Variants in SEPTIN9 observed in about 807,000 individuals in gnomAD.
SEPTIN9 encodes septin-9.
SEPTIN9 carries 13 observed loss-of-function variants against 56.6 expected under a neutral mutation model. The observed-to-expected ratio is 0.23, with a 90% CI of 0.15 to 0.37. The LOEUF is 0.37. Ranked by LOEUF, SEPTIN9 falls within the 10% of genes least tolerant of loss-of-function variation. The pLI, the probability that SEPTIN9 is intolerant of heterozygous loss-of-function variation, is 1.00. For synonymous variants in SEPTIN9, 332 were observed against 334.1 expected (o/e 0.99, Z 0.07); for missense variants, 650 against 823.1 (o/e 0.79, Z 2.57).
rs1383524626 is a variant in SEPTIN9, at chr17:77,327,323, C to T, written c.76+20126C>T. 6.6e-6 allele frequency among the ~76,000 whole-genome samples: 1 copy of T among 152,164 alleles called. No homozygotes were observed. The highest frequency in any genetic ancestry group is 1.5e-5 in the Non-Finnish European group (1 of 68,020). ...CCAGCTTCCTGGCCCGTCTCTTGCT[C>T]TGGGCACCCCCCCACTCCGAACGGC... is the stretch of plus-strand genomic sequence containing the variant. On this transcript the variant is annotated intron_variant, in intron 2 of 11. Coordinates refer to ENST00000427177, the MANE Select transcript of SEPTIN9 (RefSeq NM_001113491.2). The surrounding 1 kb of genome is among the most constrained non-coding windows in gnomAD (Gnocchi z 5.0).
intron 1 of SEPTIN9, chr17:77,294,941 C>A (rs1170712805): frequency 2.0e-5 from 3 of 152,160 alleles, no homozygotes; most frequent in Non-Finnish European, 4.4e-5. Flanking sequence ...CGTTTCCACA[C>A]CGGGATAGCG....
At chr17:77,401,943 C>A in intron 2 of SEPTIN9, 116 bp from the exon 3 acceptor site, 1 of 1,029,582 alleles carries the variant, frequency 9.7e-7, no homozygotes, top group Non-Finnish European at 1.4e-6. Context: ...GGGAAGAGAC[C>A]CCCGGCCCTC....
intron 2 of SEPTIN9, among the ~76,000 whole-genome samples, chr17:77,347,021 T>A (rs1037053346): frequency 6.6e-6 from 1 of 152,168 alleles, no homozygotes; most frequent in African/African-American, 2.4e-5. Flanking sequence ...AATCTGTTTA[T>A]AAATTACCCA....
Position 77,474,982 on chromosome 17 carries a change from C to T in SEPTIN9, c.722-7162C>T, listed in dbSNP as rs547920606. 3.3e-5 allele frequency among the ~76,000 whole-genome samples: 5 copies of T among 152,156 alleles called. 1 individual carries two copies. Among genetic ancestry groups the T allele is most frequent in the African/African-American group, 1.2e-4 (5 of 41,510 alleles). On this transcript the variant is annotated intron_variant, in intron 3 of 11. Transcript: ENST00000427177. ...AGGAGTTTGAAACCAGCCTGACCAACATTAGTGAGACCCACTCTCTAAAAA... is the reference window on the plus strand; with the variant it reads ...AGGAGTTTGAAACCAGCCTGACCAATATTAGTGAGACCCACTCTCTAAAAA...
intron 3 of SEPTIN9, among the ~76,000 whole-genome samples, chr17:77,428,379 TGTGA>T (rs2036996091): frequency 6.6e-6 from 1 of 152,210 alleles, no homozygotes; most frequent in Admixed American, 6.5e-5. Flanking sequence ...AAGGGAGGGC[TGTGA>T]GTGACAGGTG....
intron 2 of SEPTIN9, among the ~76,000 whole-genome samples, chr17:77,307,914 G>A (rs529986025): frequency 7.2e-5 from 11 of 152,338 alleles, no homozygotes; most frequent in South Asian, 2.1e-4. Context: ...GAGTCTGCGC[G>A]TCATCTTCTC....
At chr17:77,481,839 C>T (rs889294855) in intron 3 of SEPTIN9, 3 of 440,204 alleles carry the variant, frequency 6.8e-6, no homozygotes, top group South Asian at 2.7e-5. Context: ...TGCCTTGGAG[C>T]GCAGGGGGCC....
At chr17:77,302,921 T>C (rs938565861) in intron 1 of SEPTIN9, among the ~76,000 whole-genome samples, 2 of 152,050 alleles carry the variant, frequency 1.3e-5, no homozygotes, top group African/African-American at 4.8e-5. Context: ...TCTTTCTGCC[T>C]AGGCTCACCC....
At chr17:77,305,249 GGTGCTGGAGGTGAATTCCGCAGCT>G (rs908203838) in intron 1 of SEPTIN9, among the ~76,000 whole-genome samples, 1 of 152,172 alleles carries the variant, frequency 6.6e-6, no homozygotes, top group Admixed American at 6.5e-5. Flanking sequence ...GCAGGCTGGG[GGTGCTGGAGGTGAATTCCGCAGCT>G]GTGCGACCTT....
intron 2 of SEPTIN9, chr17:77,373,206 G>C (rs1340196825): frequency 4.6e-6 from 5 of 1,097,084 alleles, no homozygotes; most frequent in Admixed American, 5.2e-5. Flanking sequence ...GCCTGGCCTT[G>C]ACAGGCGGGC....
intron 2 of SEPTIN9, among the ~76,000 whole-genome samples, chr17:77,350,940 GTGTGTGTGCC>G (rs201969903): frequency 0.012 from 1,848 of 151,820 alleles, 43 homozygotes; most frequent in African/African-American, 0.042. Flanking sequence ...CTGCAGGGGG[GTGTGTGTGCC>G]TGTGTGTGCC....
Position 77,465,871 on chromosome 17 carries a change from G to T in SEPTIN9, c.722-16273G>T, listed in dbSNP as rs1002109141. On this transcript the variant is annotated intron_variant, in intron 3 of 11. Coordinates refer to ENST00000427177, the MANE Select transcript of SEPTIN9 (RefSeq NM_001113491.2). ...TGGTGTAACTCACCCCTGGAAGGAGGCTGGGCTGAGGCTGGGGGAAGTGAC... is the reference window on the plus strand; with the variant it reads ...TGGTGTAACTCACCCCTGGAAGGAGTCTGGGCTGAGGCTGGGGGAAGTGAC... Among the ~76,000 whole-genome samples the T allele has an allele frequency of 2.0e-5, 3 of 152,058 alleles. No homozygotes were observed. In the East Asian group the frequency reaches 5.8e-4, roughly 29 times the overall value.
intron 2 of SEPTIN9, among the ~76,000 whole-genome samples, chr17:77,361,305 G>C (rs2034410171): frequency 1.3e-5 from 2 of 152,190 alleles, no homozygotes; most frequent in Admixed American, 1.3e-4. Context: ...CTGCGGGACA[G>C]AGCCTGCCCT....
At chr17:77,482,122 T>C in intron 3 of SEPTIN9, 22 bp from the exon 4 acceptor site, 1 of 1,546,426 alleles carries the variant, frequency 6.5e-7, no homozygotes, top group Non-Finnish European at 8.7e-7. Flanking sequence ...CCGCTCTAAC[T>C]CCTCTGCTGT....
In SEPTIN9 at chr17:77,475,642, A is replaced by G. The variant is rs769813329; in HGVS notation, c.722-6502A>G. On this transcript the variant is annotated intron_variant, in intron 3 of 11. Coordinates refer to ENST00000427177, the MANE Select transcript of SEPTIN9 (RefSeq NM_001113491.2). The surrounding 1 kb of genome is among the most constrained non-coding windows in gnomAD (Gnocchi z 4.6). ...GCAGCTGGAGGCTGCTCCAGTGTGC[A>G]TTGTTACGAGGCAAAGTAAGGAGAC... is the stretch of plus-strand genomic sequence containing the variant. 31 of 1,613,680 alleles carry G rather than the reference A, an allele frequency of 1.9e-5. No homozygotes were observed. In the South Asian group the frequency reaches 2.7e-4, roughly 14 times the overall value.
intron 3 of SEPTIN9, among the ~76,000 whole-genome samples, chr17:77,480,307 CTT>C (rs1419563710): frequency 6.6e-6 from 1 of 152,238 alleles, no homozygotes; most frequent in Admixed American, 6.5e-5. Flanking sequence ...CTTCCAGAGT[CTT>C]TTCCTCTCTC....
chr17:77,402,144 C>G lies in SEPTIN9; in HGVS notation c.162C>G (p.Ala54=), dbSNP rs200161455. Residue 54 remains alanine (A), a synonymous_variant, in exon 3 of 12, where the codon GCC becomes GCG. Transcript: ENST00000427177. This position sits in a 1 kb window ranked among gnomAD's most constrained non-coding sequence, Gnocchi z 6.6. ...GGGTCCAGACTCCCCTACTCCGAGC[C>G]ACTGTGGCCAGCTCCACCCAGAAAT... The part of the protein sequence containing the change: ...PRRVQTPLLR[A]TVASSTQKFQ... 20 of 1,613,954 alleles carry G rather than the reference C, an allele frequency of 1.2e-5. No homozygotes were observed. The highest frequency in any genetic ancestry group is 3.3e-4 in the Middle Eastern group (2 of 6,062).
At chr17:77,337,003 T>G (rs2033576285) in intron 2 of SEPTIN9, among the ~76,000 whole-genome samples, 1 of 151,134 alleles carries the variant, frequency 6.6e-6, no homozygotes, top group Admixed American at 6.6e-5. Flanking sequence ...CCCCCGTTTT[T>G]TTTTTTTTTT....
At chr17:77,357,263 C>T (rs139293368) in intron 2 of SEPTIN9, among the ~76,000 whole-genome samples, 29 of 152,270 alleles carry the variant, frequency 1.9e-4, no homozygotes, top group African/African-American at 7.0e-4. Context: ...AAGGACACAT[C>T]CACAGGGGCA....
Sources: allele counts gnomAD v4.1 joint callset (sites outside exome capture counted in the v4.1 genomes callset), GRCh38; gene constraint gnomAD v4.1.1; non-coding constraint Gnocchi (gnomAD v3.1); transcripts MANE v1.5; gene names NCBI Gene and HGNC (gene_info 2026-07-23, HGNC 2026-07-21).